Variants in EIF3B observed in about 807,000 individuals in gnomAD.
EIF3B encodes eukaryotic translation initiation factor 3 subunit 9.
In EIF3B, 10 loss-of-function variants were observed where a neutral mutation model predicts 104.6. The observed-to-expected ratio is 0.10, with a 90% CI of 0.06 to 0.16. The LOEUF (loss-of-function observed/expected upper bound fraction) is 0.16. EIF3B is among the 10% of genes least tolerant of loss of function. EIF3B has a pLI of 1.00. For synonymous variants in EIF3B, 542 were observed against 417.2 expected (o/e 1.30, Z -3.65); for missense variants, 1,014 against 1,087.9 (o/e 0.93, Z 0.96).
intron 2 of EIF3B, 61 bp from the exon 3 acceptor site, chr7:2,362,584 A>G: frequency 2.5e-6 from 4 of 1,599,804 alleles, no homozygotes; most frequent in East Asian, 4.5e-5. Context: ...GGTGGGGCGG[A>G]CAGCGCATAC....
At chr7:2,355,487 A>G (rs1779364359) in intron 1 of EIF3B, 67 bp downstream of exon 1, 8 of 1,393,458 alleles carry the variant, frequency 5.7e-6, no homozygotes, top group East Asian at 2.9e-5. Context: ...GAGGTGGGAG[A>G]TATCGTCGGG....
chr7:2,356,650 G>C (rs1205363107), intron 1 of EIF3B, among the ~76,000 whole-genome samples: 3 of 150,130 alleles, frequency 2.0e-5, no homozygotes, highest in Admixed American at 6.7e-5. Flanking sequence ...AGAAATACAA[G>C]TCAGCCAGGT....
Position 2,364,451 on chromosome 7 carries a change from G to T in EIF3B, c.1079G>T (p.Trp360Leu), listed in dbSNP as rs760782462. Residue 360 changes from tryptophan (W) to leucine (L), a missense_variant, in exon 6 of 19, where the codon TGG becomes TTG. Coordinates refer to ENST00000360876, the MANE Select transcript of EIF3B (RefSeq NM_001037283.2). ...TTTCATCAAAGAGGCATTGCTCTATGGGGGGGAGAGAAATTCAAGCAAATT... is the reference window on the plus strand; with the variant it reads ...TTTCATCAAAGAGGCATTGCTCTATTGGGGGGAGAGAAATTCAAGCAAATT... ...ATFHQRGIAL[W>L]GGEKFKQIQR... is the part of the protein sequence containing the mutation. 1.2e-6 allele frequency: 2 copies of T among 1,611,884 alleles called. No individual in the cohort carries two copies. The highest frequency in any genetic ancestry group is 8.5e-7 in the Non-Finnish European group (1 of 1,178,830).
At chr7:2,369,216 G>T (rs960735623) in intron 9 of EIF3B, among the ~76,000 whole-genome samples, 1 of 152,216 alleles carries the variant, frequency 6.6e-6, no homozygotes, top group South Asian at 2.1e-4. Context: ...GAGTCTGTGC[G>T]TGATGGTGGG....
chr7:2,362,825 G>A lies in EIF3B; in HGVS notation c.812+61G>A, dbSNP rs1300971508. 2.2e-5 allele frequency: 36 copies of A among 1,606,880 alleles called. No homozygotes were observed. In the East Asian group the frequency reaches 6.5e-4, roughly 29 times the overall value. ...GACGTGCAAGTGACTGGCTGTGTGC[G>A]GGTGGCTTGGTGCTTCTCGGTGCTG... On this transcript the variant is annotated intron_variant, in intron 3 of 18. Transcript: ENST00000360876.
chr7:2,362,943 C>T (rs1779818609), intron 3 of EIF3B, 127 bp from the exon 4 acceptor site: 1 of 1,432,184 alleles, frequency 7.0e-7, no homozygotes, highest in Admixed American at 1.7e-5. Context: ...AGCACCCCTC[C>T]CTGTTATGCC....
rs1055456759 is a variant in EIF3B at position 2,372,147 on chromosome 7, A to G, written c.1687+298A>G. The G allele has an allele frequency of 1.1e-4, 43 of 385,588 alleles. 1 individual carries two copies. In the South Asian group the frequency reaches 1.2e-3, roughly 11 times the overall value. 23.9% of individuals were successfully genotyped at this position (385,588 alleles called of 1,614,324 possible). A position where few individuals can be genotyped will look rare whatever the true frequency, so the allele number is the denominator to read the frequency against. On this transcript the variant is annotated intron_variant, in intron 11 of 18. Coordinates refer to ENST00000360876, the MANE Select transcript of EIF3B (RefSeq NM_001037283.2). ...ACTTGAGCCCAGGAGCAGAGGTTGC[A>G]GTGAACTGAGATTGCGCCCCTGCAC...
chr7:2,355,386 C>A lies in EIF3B; in HGVS notation c.465C>A (p.Asp155Glu). The A allele has an allele frequency of 6.6e-7, 1 of 1,515,828 alleles. No homozygotes were observed. The highest frequency in any genetic ancestry group is 8.8e-7 in the Non-Finnish European group (1 of 1,135,308). 93.9% of individuals were successfully genotyped at this position (1,515,828 alleles called of 1,614,324 possible). A position where few individuals can be genotyped will look rare whatever the true frequency, so the allele number is the denominator to read the frequency against. ...NGDADEPSFS[D>E]PEDFVDDVSE... ...ACGCGGACGAGCCCTCCTTCAGCGA[C>A]CCCGAGGACTTCGTGGACGACGTGA... is the stretch of plus-strand genomic sequence containing the variant. Residue 155 changes from aspartate (D) to glutamate (E), a missense_variant, in exon 1 of 19, where the codon GAC becomes GAA. Around this residue, in one of 4 missense-constraint regions of EIF3B, gnomAD observed 488 missense variants for 404.3 expected, o/e 1.21. Transcript: ENST00000360876.
At chr7:2,379,961 C>A in intron 18 of EIF3B, 1 of 249,486 alleles carries the variant, frequency 4.0e-6, no homozygotes, top group Non-Finnish European at 8.0e-6. Context: ...GTCCTGGGGG[C>A]CTCCGCGCCT....
At chr7:2,378,868 G>T (rs1361938388) in intron 16 of EIF3B, 102 bp downstream of exon 16, 2 of 1,060,812 alleles carry the variant, frequency 1.9e-6, no homozygotes, top group Non-Finnish European at 2.8e-6. Flanking sequence ...AGTTGCCTCT[G>T]CTCCGAAGAC....
intron 1 of EIF3B, among the ~76,000 whole-genome samples, chr7:2,355,882 C>G (rs1779399394): frequency 6.6e-6 from 1 of 152,202 alleles, no homozygotes; most frequent in South Asian, 2.1e-4. Flanking sequence ...ATTTTGTCCT[C>G]CTGCCCCTCA....
chr7:2,377,148 C>G, intron 15 of EIF3B, 73 bp downstream of exon 15: 1 of 1,522,876 alleles, frequency 6.6e-7, no homozygotes, highest in Non-Finnish European at 8.8e-7. Context: ...TCAGTTTTTT[C>G]TGTTATTGTT....
At chr7:2,371,142 C>A (rs1251338037) in intron 10 of EIF3B, among the ~76,000 whole-genome samples, 2 of 152,256 alleles carry the variant, frequency 1.3e-5, no homozygotes, top group Non-Finnish European at 2.9e-5. Flanking sequence ...CGCCCAGCTC[C>A]TGGCATCACG....
chr7:2,366,952 C>G, intron 8 of EIF3B, 47 bp from the exon 9 acceptor site: 1 of 1,580,102 alleles, frequency 6.3e-7, no homozygotes, highest in East Asian at 2.2e-5. Flanking sequence ...GTTTCTGAGA[C>G]ACTGACATGA....
rs115252127 is a variant in EIF3B at position 2,374,637 on chromosome 7, C to T, written c.1889+31C>T. On this transcript the variant is annotated intron_variant, in intron 13 of 18. Transcript: ENST00000360876. ...TGTCTGCGCTCTGAGCCTGTCCGCC[C>T]TGTGAGTAGCGCTCTGCTGTGGCAG... is the stretch of plus-strand genomic sequence containing the variant. 2,525 of 1,601,014 alleles carry T rather than the reference C, an allele frequency of 1.6e-3. 29 individuals are homozygous for T. The African/African-American group carries it at 0.03, about 19-fold the overall frequency.
In EIF3B at chr7:2,374,562, C is replaced by T. The variant is rs1445167226; in HGVS notation, c.1845C>T (p.Phe615=). The part of the protein sequence containing the change: ...MFDKQQANTI[F]WSPQGQFVVL... ...ACAAGCAGCAGGCGAACACCATCTT[C>T]TGGAGCCCCCAAGGACAGTTCGTGG... The change falls in exon 13 of 19, where the codon TTC becomes TTT. Residue 615 remains phenylalanine (F), a synonymous_variant. Transcript: ENST00000360876. The T allele has an allele frequency of 6.2e-7, 1 of 1,614,042 alleles. No individual in the cohort carries two copies. Among genetic ancestry groups the T allele is most frequent in the Non-Finnish European group, 8.5e-7 (1 of 1,180,020 alleles).
chr7:2,355,639 G>A (rs897596599), intron 1 of EIF3B, among the ~76,000 whole-genome samples: 5 of 152,174 alleles, frequency 3.3e-5, no homozygotes, highest in African/African-American at 4.8e-5. Flanking sequence ...AAGGGGACAG[G>A]GTGGAGCTCA....
intron 10 of EIF3B, 51 bp from the exon 11 acceptor site, chr7:2,371,726 T>G (rs1425726030): frequency 1.5e-6 from 2 of 1,358,968 alleles, no homozygotes; most frequent in African/African-American, 1.4e-5. Context: ...AAACCTTTTC[T>G]CATATTTTCA....
At chr7:2,355,483 G>A in intron 1 of EIF3B, 63 bp downstream of exon 1, 3 of 1,396,528 alleles carry the variant, frequency 2.1e-6, no homozygotes, top group Non-Finnish European at 2.8e-6. Context: ...TCCCGAGGTG[G>A]GAGATATCGT....
Sources: allele counts gnomAD v4.1 joint callset (sites outside exome capture counted in the v4.1 genomes callset), GRCh38; gene constraint gnomAD v4.1.1; regional missense constraint gnomAD v4.1.1; transcripts MANE v1.5; gene names NCBI Gene and HGNC (gene_info 2026-07-23, HGNC 2026-07-21).